AMY2B: variants seen among roughly 807,000 people sequenced by gnomAD.
AMY2B encodes alpha-amylase 2B.
A neutral mutation model predicts 59.3 loss-of-function variants in AMY2B; 63 were observed. The observed-to-expected ratio is 1.06, with a 90% CI of 0.87 to 1.31. The LOEUF is 1.31. Ranked by LOEUF, AMY2B falls within the 50% of genes most tolerant of loss-of-function variation. AMY2B has a pLI of 0.00. For missense variants in AMY2B, 635 were observed against 626.7 expected, an observed-to-expected ratio of 1.01 and a Z score of -0.14; for synonymous variants, 180 against 198.1, an observed-to-expected ratio of 0.91 and a Z score of 0.77.
At position 103,577,845 on chromosome 1, in the gene AMY2B, G is replaced by A. The variant is rs1251432287; in HGVS notation, c.1346G>A (p.Trp449Ter). ...RGFIVFNNDDWTFSLTLQTGL... is the reference protein window; with the variant it reads ...RGFIVFNNDD ...TTCATTGTTTTCAACAATGATGACTGGTAAGTACATATCAATTAAAAATAA... is the reference window on the plus strand; with the variant it reads ...TTCATTGTTTTCAACAATGATGACTAGTAAGTACATATCAATTAAAAATAA... Residue 449 changes from tryptophan (W) to a stop codon, truncating the protein, a stop_gained and splice_region_variant, in exon 9 of 10, where the codon TGG (tryptophan) becomes TAG (stop). Transcript: ENST00000684275. LOFTEE classifies it high-confidence loss of function. The A allele has an allele frequency of 6.2e-7, 1 of 1,601,920 alleles. No individual in the cohort carries two copies. The highest frequency in any genetic ancestry group is 8.5e-7 in the Non-Finnish European group (1 of 1,179,670).
At chr1:103,566,030 C>T (rs951297374) in intron 2 of AMY2B, among the ~76,000 whole-genome samples, 1 of 152,250 alleles carries the variant, frequency 6.6e-6, no homozygotes, top group Middle Eastern at 3.4e-3. Context: ...CCAAATTTAA[C>T]TGTCATGTCT....
Position 103,575,471 on chromosome 1 carries a change from T to A in AMY2B, c.1032T>A (p.Leu344=), listed in dbSNP as rs144622525. Residue 344 remains leucine, a synonymous_variant, in exon 7 of 10, where the codon CTT becomes CTA. Transcript: ENST00000684275. ...ATAAAATGGCAGTTGGATTTATGCTTGCTCATCCTTATGGTTTTACACGAG... is the reference window on the plus strand; with the variant it reads ...ATAAAATGGCAGTTGGATTTATGCTAGCTCATCCTTATGGTTTTACACGAG... ...RLYKMAVGFM[L]AHPYGFTRVM... 2,144 of 1,613,752 alleles carry A rather than the reference T, an allele frequency of 1.3e-3. 2 individuals are homozygous for A. Among genetic ancestry groups the A allele is most frequent in the Admixed American group, 6.2e-3 (370 of 59,984 alleles).
chr1:103,569,396 T>G (rs375234721), upstream of AMY2B: 15 of 151,096 alleles, frequency 9.9e-5, no homozygotes, highest in South Asian at 1.4e-3. Flanking sequence ...TTATGTGGGT[T>G]TGTGTGTGTG....
upstream of AMY2B, among the ~76,000 whole-genome samples, chr1:103,566,748 T>G (rs1651923741): frequency 6.6e-6 from 1 of 152,146 alleles, no homozygotes. Context: ...GCCTGGACAA[T>G]TTACCCAGTC....
intron 1 of AMY2B, among the ~76,000 whole-genome samples, chr1:103,556,525 G>A (rs1001341358): frequency 1.2e-4 from 18 of 151,986 alleles, no homozygotes; most frequent in African/African-American, 4.3e-4. Context: ...TTAAATAAGA[G>A]TGGGGTGGCT....
At chr1:103,561,588 T>C (rs146027775) in intron 1 of AMY2B, among the ~76,000 whole-genome samples, 1 of 152,182 alleles carries the variant, frequency 6.6e-6, no homozygotes, top group East Asian at 1.9e-4. Flanking sequence ...GGTTATTTTA[T>C]TTTATATGGT....
chr1:103,554,995 T>C (rs1435730127), exon 1 of AMY2B: 2 of 152,166 alleles, frequency 1.3e-5, no homozygotes, highest in Admixed American at 1.3e-4. Context: ...TGACCTGTGT[T>C]ATACTTCCTA....
rs757154913 is a variant in AMY2B at position 103,579,244 on chromosome 1, T to C, written c.1347-67T>C. On this transcript the variant is annotated intron_variant, in intron 9 of 9. Transcript: ENST00000684275. Reference sequence around the variant, plus strand: ...TTCTACAACATAAAGTTATGCTGTTTAGTTGTGTTAGCCTGTATTCTTGAT... The same window carrying C: ...TTCTACAACATAAAGTTATGCTGTTCAGTTGTGTTAGCCTGTATTCTTGAT... 92 of 1,610,814 alleles carry C rather than the reference T, an allele frequency of 5.7e-5. No individual in the cohort carries two copies. In the Middle Eastern group the frequency reaches 6.8e-4, roughly 12 times the overall value.
chr1:103,566,120 TA>T (rs1422071091), intron 2 of AMY2B, among the ~76,000 whole-genome samples: 2 of 152,112 alleles, frequency 1.3e-5, no homozygotes, highest in Non-Finnish European at 2.9e-5. Context: ...TTTTCTTACT[TA>T]AAAGCAATTT....
chr1:103,568,206 C>T (rs1223491775), upstream of AMY2B: 1 of 152,188 alleles, frequency 6.6e-6, no homozygotes, highest in South Asian at 2.1e-4. Flanking sequence ...ACATCACCTA[C>T]AGTGCTTAGC....
At chr1:103,569,614 T>C, upstream of AMY2B, 1 of 399,062 alleles carries the variant, frequency 2.5e-6, no homozygotes, top group South Asian at 2.0e-5. Context: ...AAAGCTGGCT[T>C]TGCTGGGGAC....
intron 1 of AMY2B, among the ~76,000 whole-genome samples, chr1:103,557,925 A>T (rs76949940): frequency 6.6e-6 from 1 of 152,202 alleles, no homozygotes; most frequent in Non-Finnish European, 1.5e-5. Flanking sequence ...GAAGGAAAGG[A>T]TGGAGGTGAG....
chr1:103,563,045 A>G (rs1651785442), intron 1 of AMY2B, among the ~76,000 whole-genome samples: 1 of 152,050 alleles, frequency 6.6e-6, no homozygotes, highest in African/African-American at 2.4e-5. Flanking sequence ...TGATTGAAAA[A>G]ATACTTTTGA....
At chr1:103,558,983 A>G (rs1176087588) in intron 1 of AMY2B, among the ~76,000 whole-genome samples, 1 of 152,132 alleles carries the variant, frequency 6.6e-6, no homozygotes, top group African/African-American at 2.4e-5. Context: ...TGCATTAGTT[A>G]TTATAAGTAA....
At position 103,578,909 on chromosome 1, in the gene AMY2B, G is replaced by A. The variant is rs1444729881; in HGVS notation, c.1347-402G>A. ...GGAGATATACCTAATGCTAGATGAC[G>A]AGTTAGTGGGTGCAGCGCACCAGCA... On this transcript the variant is annotated intron_variant, in intron 9 of 9. Transcript: ENST00000684275. Among the ~76,000 whole-genome samples, 3 of 151,726 alleles carry A rather than the reference G, an allele frequency of 2.0e-5. No individual in the cohort carries two copies. In the East Asian group the frequency reaches 5.8e-4, roughly 29 times the overall value.
At position 103,577,644 on chromosome 1, in the gene AMY2B, A is replaced by C. The variant is rs747089973; in HGVS notation, c.1220+36A>C. The C allele has an allele frequency of 3.1e-6, 5 of 1,611,920 alleles. No homozygotes were observed. The South Asian group carries it at 5.5e-5, about 18-fold the overall frequency. ...GTATTTAGACATGTCCTCTAATAGT[A>C]AACTTTCCATTGCATTTTATTTAAA... On this transcript the variant is annotated intron_variant, in intron 8 of 9. Coordinates refer to ENST00000684275, the MANE Select transcript of AMY2B (RefSeq NM_001387437.1).
rs753454981 is a variant in AMY2B at position 103,573,072 on chromosome 1, T to C, written c.325T>C (p.Tyr109His). The change falls in exon 3 of 10, where the codon TAT (tyrosine) becomes CAT (histidine). Residue 109 changes from tyrosine to histidine, a missense_variant. By Grantham distance (83) the Tyr-to-His change is moderately conservative. Transcript: ENST00000684275. ...TRCNNVGVRI[Y>H]VDAVINHMSG... ...AAACTTTGCTTTCTAGGTTCGTATT[T>C]ATGTGGATGCTGTAATTAATCATAT... 1.7e-5 allele frequency: 28 copies of C among 1,613,556 alleles called. No homozygotes were observed. The highest frequency in any genetic ancestry group is 2.4e-5 in the Non-Finnish European group (28 of 1,179,664).
At chr1:103,577,357 GAA>G in intron 7 of AMY2B, 131 bp from the exon 8 acceptor site, 2 of 1,503,670 alleles carry the variant, frequency 1.3e-6, no homozygotes, top group South Asian at 2.5e-5. Flanking sequence ...AAAAATTATT[GAA>G]GGCATTGGAT....
intron 7 of AMY2B, 162 bp from the exon 8 acceptor site, chr1:103,577,325 TGAA>T (rs1652397748): frequency 2.3e-6 from 3 of 1,292,862 alleles, no homozygotes. Flanking sequence ...AGAGAGATGA[TGAA>T]GACCCAGTAA....
Sources: allele counts gnomAD v4.1 joint callset (sites outside exome capture counted in the v4.1 genomes callset), GRCh38; gene constraint gnomAD v4.1.1; transcripts MANE v1.5; gene names NCBI Gene and HGNC (gene_info 2026-07-23, HGNC 2026-07-21).